ZNF329: variants seen among roughly 807,000 people sequenced by gnomAD.
ZNF329 encodes the protein zinc finger protein 329.
ZNF329 carries 15 observed loss-of-function variants against 26.6 expected under a neutral mutation model. The ratio of observed to expected loss-of-function variants is 0.56; its 90% CI spans 0.38 to 0.87. The LOEUF is 0.87. Ranked by LOEUF, ZNF329 falls within the 40% of genes least tolerant of loss-of-function variation. The probability of loss-of-function intolerance (pLI) is 0.00; values close to 1 mark genes in which losing one functional copy is unlikely to be tolerated. For missense variants in ZNF329, 651 were observed against 651.9 expected (o/e 1.00, Z 0.02); for synonymous variants, 239 against 233.5 (o/e 1.02, Z -0.21).
chr19:58,140,924 A>G (rs1299155196), intron 3 of ZNF329, among the ~76,000 whole-genome samples: 1 of 145,398 alleles, frequency 6.9e-6, no homozygotes, highest in African/African-American at 2.6e-5. Flanking sequence ...AGGCTGGAGT[A>G]CAGTGGCATG....
chr19:58,129,208 C>T lies in ZNF329; in HGVS notation c.296G>A (p.Ser99Asn), dbSNP rs2279333. The T allele has an allele frequency of 3.1e-6, 5 of 1,614,228 alleles. No homozygotes were observed. In the East Asian group the frequency reaches 1.1e-4, roughly 36 times the overall value. Residue 99 changes from serine (S) to asparagine (N), a missense_variant, in exon 4 of 4, where the codon AGT becomes AAT. Transcript: ENST00000598312. ...TAAGGCGGGGTCACAATCCAGACCA[C>T]TAACATTTGAGTCAGGTGCATGGAA... The part of the protein sequence containing the change: ...NGFHAPDSNV[S>N]GLDCDPALPS...
Position 58,142,185 on chromosome 19 carries a change from T to C in ZNF329, c.-9+372A>G, listed in dbSNP as rs796201058. ...ATGAAATGTCCATAACAGGCAAATC[T>C]ATAAGACAGAAAGTAGATTAGAGAT... On this transcript the variant is annotated intron_variant, in intron 3 of 3. Coordinates refer to ENST00000598312, the MANE Select transcript of ZNF329 (RefSeq NM_024620.4). Among the ~76,000 whole-genome samples, 12 of 152,324 alleles carry C rather than the reference T, an allele frequency of 7.9e-5. 1 individual carries two copies. The highest frequency in any genetic ancestry group is 2.9e-4 in the African/African-American group (12 of 41,572).
intron 3 of ZNF329, among the ~76,000 whole-genome samples, chr19:58,135,486 G>A (rs1295403016): frequency 2.0e-5 from 3 of 152,112 alleles, no homozygotes; most frequent in Non-Finnish European, 2.9e-5. Context: ...GGCTGGTCTC[G>A]CACTCCTGGC....
chr19:58,144,968 G>A (rs889606468), intron 1 of ZNF329, among the ~76,000 whole-genome samples: 2 of 150,408 alleles, frequency 1.3e-5, no homozygotes, highest in Non-Finnish European at 3.0e-5. Context: ...TCCTGCCTCA[G>A]CCTCCCGAGT....
At chr19:58,141,948 C>T (rs185756211) in intron 3 of ZNF329, among the ~76,000 whole-genome samples, 68 of 151,924 alleles carry the variant, frequency 4.5e-4, no homozygotes, top group Non-Finnish European at 8.2e-4. Flanking sequence ...GTAATCCCAG[C>T]TACTAGGGAG....
In ZNF329 at chr19:58,129,304, G is replaced by A. The variant is rs1313855352; in HGVS notation, c.200C>T (p.Pro67Leu). The A allele has an allele frequency of 6.2e-7, 1 of 1,614,206 alleles. No individual in the cohort carries two copies. Among genetic ancestry groups the A allele is most frequent in the South Asian group, 1.1e-5 (1 of 91,086 alleles). ...PGTQEAICEY[P>L]GFGEHLIASS... The stretch of plus-strand genomic sequence containing the variant: ...TGCAATCAAATGCTCCCCAAAACCA[G>A]GATATTCACAAATTGCTTCCTGAGT... The change falls in exon 4 of 4, where the codon CCT (proline) becomes CTT (leucine). Residue 67 changes from proline (P) to leucine (L), a missense_variant. Transcript: ENST00000598312.
At chr19:58,146,846 C>T (rs1044701589) in intron 1 of ZNF329, among the ~76,000 whole-genome samples, 2 of 151,874 alleles carry the variant, frequency 1.3e-5, no homozygotes, top group Non-Finnish European at 2.9e-5. Flanking sequence ...GTCTGGTTCA[C>T]TCAGTGCTCA....
At chr19:58,129,750 G>T (rs945760303) in intron 3 of ZNF329, among the ~76,000 whole-genome samples, 1 of 152,096 alleles carries the variant, frequency 6.6e-6, no homozygotes, top group African/African-American at 2.4e-5. Context: ...AATGGACCTC[G>T]GGATAAATCA....
At position 58,128,830 on chromosome 19, in the gene ZNF329, T is replaced by C; in HGVS notation, c.674A>G (p.His225Arg). Residue 225 changes from histidine (H) to arginine (R), a missense_variant, in exon 4 of 4, where the codon CAC (histidine) becomes CGC (arginine). By Grantham distance (29) the His-to-Arg change is conservative. Coordinates refer to ENST00000598312, the MANE Select transcript of ZNF329 (RefSeq NM_024620.4). ...NSSLVLHHRT[H>R]TGEKPYTCNE... is the part of the protein sequence containing the mutation. ...ACAAGTATAAGGCTTCTCTCCGGTGTGAGTTCGGTGATGCAAAACAAGAGA... is the reference window on the plus strand; with the variant it reads ...ACAAGTATAAGGCTTCTCTCCGGTGCGAGTTCGGTGATGCAAAACAAGAGA... 1 of 1,608,900 alleles carries C rather than the reference T, an allele frequency of 6.2e-7. No homozygotes were observed. The highest frequency in any genetic ancestry group is 2.2e-5 in the East Asian group (1 of 44,844).
chr19:58,133,473 A>G (rs281066), intron 3 of ZNF329, among the ~76,000 whole-genome samples: 117,760 of 151,724 alleles, frequency 0.78, 46,108 homozygotes, highest in Non-Finnish European at 0.84. Flanking sequence ...GTTAGTCCCA[A>G]CTACTTGGGA....
intron 1 of ZNF329, among the ~76,000 whole-genome samples, chr19:58,146,787 G>T (rs1029952355): frequency 6.6e-6 from 1 of 151,972 alleles, no homozygotes; most frequent in Non-Finnish European, 1.5e-5. Context: ...TCCTAACCAC[G>T]AGTGATCCGC....
intron 3 of ZNF329, among the ~76,000 whole-genome samples, chr19:58,140,859 A>C (rs1425280914): frequency 3.5e-5 from 5 of 144,738 alleles, no homozygotes; most frequent in Admixed American, 2.8e-4. Context: ...CCACAGTTGC[A>C]CACCATCACA....
At chr19:58,135,246 C>T (rs1027424132) in intron 3 of ZNF329, among the ~76,000 whole-genome samples, 3 of 152,094 alleles carry the variant, frequency 2.0e-5, no homozygotes, top group Non-Finnish European at 2.9e-5. Flanking sequence ...TGCAACCAGC[C>T]ATAGTGGGAG....
rs774799394 is a variant in ZNF329 at position 58,127,992 on chromosome 19, G to C, written c.1512C>G (p.Leu504=). ...ACCGGCTGGGACCCTCCCTGCTATGGAGTCTCTGATGTACTGCCAGGTGAG... is the reference window on the plus strand; with the variant it reads ...ACCGGCTGGGACCCTCCCTGCTATGCAGTCTCTGATGTACTGCCAGGTGAG... ...QNSHLAVHQR[L]HSREGPSRCP... The change falls in exon 4 of 4, where the codon CTC becomes CTG. Residue 504 remains leucine (L), a synonymous_variant. Transcript: ENST00000598312. 1.2e-6 allele frequency: 2 copies of C among 1,614,066 alleles called. No individual in the cohort carries two copies. Among genetic ancestry groups the C allele is most frequent in the South Asian group, 1.1e-5 (1 of 91,070 alleles).
chr19:58,144,155 G>A (rs1400635392), intron 1 of ZNF329, among the ~76,000 whole-genome samples: 2 of 151,822 alleles, frequency 1.3e-5, no homozygotes, highest in Admixed American at 1.3e-4. Context: ...AAAATTGTGG[G>A]TTTTTTTGTT....
intron 1 of ZNF329, among the ~76,000 whole-genome samples, chr19:58,144,632 G>A (rs1316299919): frequency 6.6e-6 from 1 of 150,774 alleles, no homozygotes; most frequent in Non-Finnish European, 1.5e-5. Flanking sequence ...CAGGTGATCT[G>A]CCTGCCTCGA....
chr19:58,128,972 T>C lies in ZNF329; in HGVS notation c.532A>G (p.Lys178Glu), dbSNP rs757346865. The change falls in exon 4 of 4, where the codon AAG becomes GAG. Residue 178 changes from lysine to glutamate, a missense_variant. Transcript: ENST00000598312. The stretch of plus-strand genomic sequence containing the variant: ...AGAGTAAAGATGTTCTCAAAATTCT[T>C]ACCTTCATACGATTTCTTGCCTCTT... ...MKRGKKSYEG[K>E]NFENIFTLSS... 6 of 1,613,242 alleles carry C rather than the reference T, an allele frequency of 3.7e-6. No homozygotes were observed. The highest frequency in any genetic ancestry group is 5.1e-6 in the Non-Finnish European group (6 of 1,179,682).
intron 1 of ZNF329, among the ~76,000 whole-genome samples, chr19:58,145,314 C>T (rs111597191): frequency 3.8e-4 from 40 of 106,182 alleles, no homozygotes; most frequent in African/African-American, 1.6e-3. Context: ...TTTTTTCTTC[C>T]TTTTTTTTTT....
intron 3 of ZNF329, among the ~76,000 whole-genome samples, chr19:58,130,845 G>A (rs7256155): frequency 0.019 from 2,833 of 152,098 alleles, 83 homozygotes; most frequent in African/African-American, 0.064. Context: ...CCATTCATTC[G>A]TTCATTCATT....
Sources: gnomAD v4.1 joint callset for allele counts (sites outside exome capture counted in the v4.1 genomes callset) on GRCh38, gnomAD v4.1.1 for gene constraint, MANE v1.5 for transcripts, NCBI Gene and HGNC (gene_info 2026-07-23, HGNC 2026-07-21) for gene names.